MEGF6: variants seen among roughly 807,000 people sequenced by gnomAD.
The protein encoded by MEGF6 is multiple epidermal growth factor-like domains protein 6.
Under a neutral mutation model 207.1 loss-of-function variants are expected in MEGF6, and 184 were observed. That is an observed-to-expected ratio of 0.89 (90% CI 0.79 to 1.00). The LOEUF (loss-of-function observed/expected upper bound fraction) is 1.00. Among genes scored for constraint, MEGF6 ranks in the 50% least tolerant of loss-of-function variants. The probability of loss-of-function intolerance (pLI) is 0.00; values close to 1 mark genes in which losing one functional copy is unlikely to be tolerated. For synonymous variants in MEGF6, 1,038 were observed against 910.0 expected (o/e 1.14, Z -2.53); for missense variants, 2,282 against 2,202.9 (o/e 1.04, Z -0.72).
At chr1:3,490,805 G>A (rs184306066) in intron 36 of MEGF6, 107 bp downstream of exon 36, 27,969 of 1,398,270 alleles carry the variant, frequency 0.02, 368 homozygotes, top group Non-Finnish European at 0.023. Flanking sequence ...AAGGCCCCGG[G>A]TGCAGCTGCT....
At chr1:3,588,665 G>A (rs566756659) in intron 3 of MEGF6, among the ~76,000 whole-genome samples, 6 of 152,120 alleles carry the variant, frequency 3.9e-5, no homozygotes, top group African/African-American at 1.4e-4. Context: ...GGCCAGGCAG[G>A]CTGGGCACAG....
At chr1:3,559,064 C>T (rs1324773604) in intron 4 of MEGF6, among the ~76,000 whole-genome samples, 1 of 152,052 alleles carries the variant, frequency 6.6e-6, no homozygotes, top group Admixed American at 6.6e-5. Context: ...AAAATAAAAC[C>T]GAATATCTTA....
chr1:3,599,349 G>T (rs962527872), intron 2 of MEGF6, among the ~76,000 whole-genome samples: 3 of 152,226 alleles, frequency 2.0e-5, no homozygotes, highest in East Asian at 1.9e-4. Context: ...GCAAGCCAGG[G>T]TGCCCTCGGG....
In MEGF6 at chr1:3,602,555, G is replaced by A; in HGVS notation, c.177C>T (p.Arg59=). 1 of 1,612,352 alleles carries A rather than the reference G, an allele frequency of 6.2e-7. No individual in the cohort carries two copies. Among genetic ancestry groups the A allele is most frequent in the African/African-American group, 1.3e-5 (1 of 75,024 alleles). ...AEQELTLVGR[R]QPCVQALSHT... ...GGCTTAAGGCCTGCACGCACGGCTG[G>A]CGGCGGCCCACCAGGGTCAGCTCCT... Residue 59 remains arginine (R), a synonymous_variant, in exon 2 of 37, where the codon CGC becomes CGT. Transcript: ENST00000356575.
At chr1:3,500,914 G>A in intron 20 of MEGF6, 52 bp downstream of exon 20, 2 of 1,609,854 alleles carry the variant, frequency 1.2e-6, no homozygotes, top group Non-Finnish European at 1.7e-6. Flanking sequence ...CCTCTCCAGG[G>A]GCTAGGAAAG....
In MEGF6 at chr1:3,507,926, A is replaced by G; in HGVS notation, c.1661-3T>C. The G allele has an allele frequency of 1.9e-6, 3 of 1,609,528 alleles. No homozygotes were observed. Among genetic ancestry groups the G allele is most frequent in the Non-Finnish European group, 2.5e-6 (3 of 1,177,216 alleles). On this transcript the variant is annotated splice_region_variant and splice_polypyrimidine_tract_variant and intron_variant, in intron 13 of 36. Coordinates refer to ENST00000356575, the MANE Select transcript of MEGF6 (RefSeq NM_001409.4). Reference sequence around the variant, plus strand: ...CCCAAAGGTGTCCGGAGGACAAGCTACAAAGAATGACAGGGAAGCGTCAGG... The same window carrying G: ...CCCAAAGGTGTCCGGAGGACAAGCTGCAAAGAATGACAGGGAAGCGTCAGG...
chr1:3,533,588 G>A (rs1642240038), intron 4 of MEGF6, among the ~76,000 whole-genome samples: 1 of 152,218 alleles, frequency 6.6e-6, no homozygotes, highest in Non-Finnish European at 1.5e-5. Flanking sequence ...TGAGAGGGGT[G>A]CAGGGGAAGA....
chr1:3,615,856 G>A (rs1212825043), upstream of MEGF6, among the ~76,000 whole-genome samples: 1 of 152,228 alleles, frequency 6.6e-6, no homozygotes, highest in Non-Finnish European at 1.5e-5. Context: ...CCACTCCTGG[G>A]TTACACGCAG....
chr1:3,510,549 T>G (rs76112549), intron 10 of MEGF6, among the ~76,000 whole-genome samples: 12 of 70,234 alleles, frequency 1.7e-4, no homozygotes, highest in Non-Finnish European at 4.9e-5. Flanking sequence ...AGCCCTGAAC[T>G]CAGCAGGGGC....
At chr1:3,494,321 G>C in intron 32 of MEGF6, 50 bp downstream of exon 32, 4 of 1,516,998 alleles carry the variant, frequency 2.6e-6, no homozygotes, top group Non-Finnish European at 3.5e-6. Context: ...GGGAGGAGTG[G>C]ACAGTGGCTC....
intron 1 of MEGF6, 89 bp downstream of exon 1, chr1:3,611,049 A>C (rs1644317850): frequency 1.5e-6 from 2 of 1,353,114 alleles, no homozygotes; most frequent in South Asian, 3.3e-5. Flanking sequence ...CCCCAGGGAC[A>C]AAGCCTCGGA....
rs1337662573 is a variant in MEGF6 at position 3,602,620 on chromosome 1, A to G, written c.132-20T>C. On this transcript the variant is annotated intron_variant, in intron 1 of 36. Transcript: ENST00000356575. ...TGGGGCCTGGAACAGAGACACGGAG[A>G]GTCAGCGCCTCGGCCACCCCCAGCC... The G allele has an allele frequency of 1.9e-6, 3 of 1,590,494 alleles. No individual in the cohort carries two copies. Among genetic ancestry groups the G allele is most frequent in the Non-Finnish European group, 2.6e-6 (3 of 1,166,150 alleles).
chr1:3,502,089 C>CG (rs1557724682), intron 17 of MEGF6, among the ~76,000 whole-genome samples, 168 bp from the exon 18 acceptor site: 12 of 52,836 alleles, frequency 2.3e-4, no homozygotes, highest in African/African-American at 6.7e-4. Context: ...GTGTGCCCCC[C>CG]CGCGCCTCCT....
At chr1:3,577,104 C>T (rs898860635) in intron 4 of MEGF6, among the ~76,000 whole-genome samples, 1 of 152,194 alleles carries the variant, frequency 6.6e-6, no homozygotes, top group Non-Finnish European at 1.5e-5. Flanking sequence ...TAATTGAGCC[C>T]CGCACCCTCG....
chr1:3,570,419 G>T (rs1267211882), intron 4 of MEGF6, among the ~76,000 whole-genome samples: 1 of 152,228 alleles, frequency 6.6e-6, no homozygotes, highest in Non-Finnish European at 1.5e-5. Context: ...GATGTGCGTG[G>T]AAAAGCCAAA....
intron 2 of MEGF6, among the ~76,000 whole-genome samples, chr1:3,597,960 T>G (rs1644094920): frequency 6.6e-6 from 1 of 152,036 alleles, no homozygotes; most frequent in African/African-American, 2.4e-5. Context: ...CTCACGTGCA[T>G]GTGAGCAGCG....
chr1:3,504,034 C>A (rs1569975114), intron 17 of MEGF6, among the ~76,000 whole-genome samples: 1 of 152,010 alleles, frequency 6.6e-6, no homozygotes, highest in African/African-American at 2.4e-5. Context: ...CCTTCTCATT[C>A]CCCAGATGGA....
chr1:3,611,785 A>G (rs1311481665), upstream of MEGF6, among the ~76,000 whole-genome samples: 1 of 139,286 alleles, frequency 7.2e-6, no homozygotes, highest in Non-Finnish European at 1.6e-5. Context: ...CCCGCCCCAG[A>G]CCCCGCGGGG....
In MEGF6 at chr1:3,594,383, G is replaced by A. The variant is rs1644026442; in HGVS notation, c.376+955C>T. Among the ~76,000 whole-genome samples, 1 of 152,128 alleles carries A rather than the reference G, an allele frequency of 6.6e-6. No homozygotes were observed. Among genetic ancestry groups the A allele is most frequent in the Non-Finnish European group, 1.5e-5 (1 of 68,018 alleles). On this transcript the variant is annotated intron_variant, in intron 3 of 36. Coordinates refer to ENST00000356575, the MANE Select transcript of MEGF6 (RefSeq NM_001409.4). This position sits in a 1 kb window ranked among gnomAD's most constrained non-coding sequence, Gnocchi z 4.2. ...ATTTGAGGCTGCAGTGAGCTATGGT[G>A]GTGCCACTGCACTCCAGCCTGGTTG...
Sources: gnomAD v4.1 joint callset for allele counts (sites outside exome capture counted in the v4.1 genomes callset) on GRCh38, gnomAD v4.1.1 for gene constraint, Gnocchi (gnomAD v3.1) non-coding constraint, MANE v1.5 for transcripts, NCBI Gene and HGNC (gene_info 2026-07-23, HGNC 2026-07-21) for gene names.